Variants in SNX18 observed in about 807,000 individuals in gnomAD.
The protein encoded by SNX18 is sorting nexin-18.
A neutral mutation model predicts 48.7 loss-of-function variants in SNX18; 35 were observed. The observed-to-expected ratio is 0.72, with a 90% CI of 0.55 to 0.95. The LOEUF (loss-of-function observed/expected upper bound fraction) is 0.95. SNX18 is among the 40% of genes least tolerant of loss of function. The pLI, the probability that SNX18 is intolerant of heterozygous loss-of-function variation, is 0.00. For missense variants in SNX18, 824 were observed against 871.0 expected, an observed-to-expected ratio of 0.95 and a Z score of 0.68; for synonymous variants, 492 against 384.7, an observed-to-expected ratio of 1.28 and a Z score of -3.26.
In SNX18 at chr5:54,546,582, T is replaced by G. The variant is rs1762580477; in HGVS notation, c.*3150T>G. On this transcript the variant is annotated 3_prime_UTR_variant, in exon 2 of 2. Transcript: ENST00000381410. Reference sequence around the variant, plus strand: ...TAAAAAATAAACAGGTTGCTTTATTTCTTAGCTTCAATGGAATATAATTAT... The same window carrying G: ...TAAAAAATAAACAGGTTGCTTTATTGCTTAGCTTCAATGGAATATAATTAT... 1 of 152,228 alleles carries G rather than the reference T, an allele frequency of 6.6e-6. No homozygotes were observed. Among genetic ancestry groups the G allele is most frequent in the Non-Finnish European group, 1.5e-5 (1 of 68,040 alleles). The allele number at this position is 152,228 out of a possible 1,614,324, so 9.4% of individuals were successfully genotyped here. A position where few individuals can be genotyped will look rare whatever the true frequency, so the allele number is the denominator to read the frequency against.
At chr5:54,561,496 C>A in the SNX18 span, among the ~76,000 whole-genome samples, 2 of 147,754 alleles carry the variant, frequency 1.4e-5, no homozygotes. Flanking sequence ...CACCGGCACG[C>A]CCAGCTAATT....
At chr5:54,584,707 C>T in the SNX18 span, among the ~76,000 whole-genome samples, 1 of 152,112 alleles carries the variant, frequency 6.6e-6, no homozygotes, top group Non-Finnish European at 1.5e-5. Flanking sequence ...CATTTAGGCA[C>T]AATGTTTATT....
chr5:54,539,927 A>G (rs1241005487), intron 1 of SNX18, among the ~76,000 whole-genome samples: 1 of 151,724 alleles, frequency 6.6e-6, no homozygotes, highest in Non-Finnish European at 1.5e-5. Context: ...GCTGGAGTGC[A>G]ATGGTGCGAT....
At chr5:54,577,534 A>G in the SNX18 span, among the ~76,000 whole-genome samples, 1 of 152,132 alleles carries the variant, frequency 6.6e-6, no homozygotes, top group Non-Finnish European at 1.5e-5. Flanking sequence ...TGAAGCCCAG[A>G]GAGAGTTTAC....
chr5:54,534,784 G>A (rs1204204703), intron 1 of SNX18, among the ~76,000 whole-genome samples: 1 of 151,988 alleles, frequency 6.6e-6, no homozygotes, highest in Non-Finnish European at 1.5e-5. Flanking sequence ...GAAGTTTAGT[G>A]CAGTGCAAGT....
At chr5:54,614,704 C>T in the SNX18 span, among the ~76,000 whole-genome samples, 3 of 152,100 alleles carry the variant, frequency 2.0e-5, no homozygotes, top group South Asian at 2.1e-4. Context: ...GTCCCAGATA[C>T]TCACTCTGGA....
chr5:54,568,641 G>A, the SNX18 span, among the ~76,000 whole-genome samples: 1 of 152,152 alleles, frequency 6.6e-6, no homozygotes, highest in East Asian at 1.9e-4. Context: ...CTGCTTCCAT[G>A]TGACTCAACT....
At chr5:54,578,679 G>A in the SNX18 span, among the ~76,000 whole-genome samples, 1 of 152,206 alleles carries the variant, frequency 6.6e-6, no homozygotes, top group Non-Finnish European at 1.5e-5. Context: ...GACAATAGGT[G>A]AGCTGGTTTC....
intron 1 of SNX18, among the ~76,000 whole-genome samples, chr5:54,539,101 T>A (rs375426678): frequency 6.6e-6 from 1 of 152,116 alleles, no homozygotes; most frequent in African/African-American, 2.4e-5. Context: ...GGTGCGATCA[T>A]AGCTCATTGC....
Position 54,518,586 on chromosome 5 carries a change from C to G in SNX18, c.634C>G (p.Pro212Ala). ...SLGSRGGSVP[P>A]QHHPSGPKSS... ...GGGTTCCCGCGGCGGCTCGGTCCCC[C>G]CGCAGCACCACCCGTCGGGGCCCAA... The change falls in exon 1 of 2, where the codon CCG (proline) becomes GCG (alanine). Residue 212 changes from proline to alanine, a missense_variant. Physicochemically the swap from Pro to Ala is conservative, Grantham distance 27 (BLOSUM62 -1). This residue lies in a region of SNX18 where 377 missense variants were observed against 350.6 expected (regional missense o/e 1.08). Transcript: ENST00000381410. 6.3e-7 allele frequency: 1 copy of G among 1,581,668 alleles called. No homozygotes were observed. The highest frequency in any genetic ancestry group is 8.6e-7 in the Non-Finnish European group (1 of 1,164,440).
chr5:54,591,943 T>TGCTATCC, the SNX18 span, among the ~76,000 whole-genome samples: 1 of 152,248 alleles, frequency 6.6e-6, no homozygotes, highest in Non-Finnish European at 1.5e-5. Flanking sequence ...AACAAATATC[T>TGCTATCC]TGGCCTATCC....
At position 54,518,657 on chromosome 5, in the gene SNX18, C is replaced by T. The variant is rs1561111019; in HGVS notation, c.705C>T (p.Phe235=). The T allele has an allele frequency of 1.3e-6, 2 of 1,557,226 alleles. No homozygotes were observed. Among genetic ancestry groups the T allele is most frequent in the East Asian group, 4.5e-5 (2 of 44,368 alleles). Residue 235 remains phenylalanine (F), a synonymous_variant, in exon 1 of 2, where the codon TTC becomes TTT. Transcript: ENST00000381410. ...VSRNLNRFST[F]VKSGGEAFVL... The stretch of plus-strand genomic sequence containing the variant: ...GCAACCTCAATCGCTTCTCCACCTT[C>T]GTCAAGTCCGGCGGGGAGGCCTTCG...
At chr5:54,611,041 T>C in the SNX18 span, among the ~76,000 whole-genome samples, 1 of 152,230 alleles carries the variant, frequency 6.6e-6, no homozygotes, top group East Asian at 1.9e-4. Context: ...GATCATCCTA[T>C]GTAAATTCAG....
At chr5:54,634,163 T>C in the SNX18 span, among the ~76,000 whole-genome samples, 1 of 152,204 alleles carries the variant, frequency 6.6e-6, no homozygotes, top group Non-Finnish European at 1.5e-5. Flanking sequence ...TCCTCCCCCA[T>C]ATACACACTT....
chr5:54,616,113 T>C, the SNX18 span, among the ~76,000 whole-genome samples: 3 of 152,216 alleles, frequency 2.0e-5, no homozygotes, highest in African/African-American at 4.8e-5. Flanking sequence ...GAAGATTATA[T>C]GAACCACTTT....
the SNX18 span, among the ~76,000 whole-genome samples, chr5:54,561,029 G>A: frequency 2.0e-5 from 3 of 152,122 alleles, no homozygotes; most frequent in South Asian, 2.1e-4. Flanking sequence ...ATAGTCAAAC[G>A]TCTATTCTGT....
Position 54,517,976 on chromosome 5 carries a change from G to C in SNX18, c.24G>C (p.Leu8=). 2 of 1,533,626 alleles carry C rather than the reference G, an allele frequency of 1.3e-6. No homozygotes were observed. Among genetic ancestry groups the C allele is most frequent in the Non-Finnish European group, 8.8e-7 (1 of 1,142,424 alleles). ...CCATGGCGCTGCGCGCCCGGGCGCT[G>C]TACGACTTCAGGTCGGAGAACCCAG... MALRARA[L]YDFRSENPGE... is the part of the protein sequence containing the mutation. The change falls in exon 1 of 2, where the codon CTG becomes CTC. Residue 8 remains leucine (L), a synonymous_variant. Transcript: ENST00000381410.
chr5:54,545,646 C>G lies in SNX18; in HGVS notation c.*2214C>G, dbSNP rs1341433143. On this transcript the variant is annotated 3_prime_UTR_variant, in exon 2 of 2. Transcript: ENST00000381410. The stretch of plus-strand genomic sequence containing the variant: ...ACATAACATTATAATGCCACTGATT[C>G]ATACGGGATTTACATTAATTCTATG... 1 of 152,136 alleles carries G rather than the reference C, an allele frequency of 6.6e-6. No individual in the cohort carries two copies. Among genetic ancestry groups the G allele is most frequent in the Non-Finnish European group, 1.5e-5 (1 of 68,020 alleles). The allele number at this position is 152,136 out of a possible 1,614,324, so 9.4% of individuals were successfully genotyped here.
At chr5:54,604,631 C>T in the SNX18 span, among the ~76,000 whole-genome samples, 65,283 of 151,850 alleles carry the variant, frequency 0.43, 14,109 homozygotes, top group South Asian at 0.58. Flanking sequence ...AATAGGGTGT[C>T]ACTATTAAAT....
Sources: allele counts gnomAD v4.1 joint callset (sites outside exome capture counted in the v4.1 genomes callset), GRCh38; gene constraint gnomAD v4.1.1; regional missense constraint gnomAD v4.1.1; transcripts MANE v1.5; gene names NCBI Gene and HGNC (gene_info 2026-07-23, HGNC 2026-07-21).